Variants in C1orf141 observed in about 807,000 individuals in gnomAD.
C1orf141 encodes the protein uncharacterized protein C1orf141.
A neutral mutation model predicts 23.2 loss-of-function variants in C1orf141; 19 were observed. The observed-to-expected ratio is 0.82, with a 90% CI of 0.57 to 1.20. The LOEUF is 1.20. Ranked by LOEUF, C1orf141 falls within the 50% of genes most tolerant of loss-of-function variation. The pLI is 0.00. For synonymous variants in C1orf141, 153 were observed against 154.6 expected (o/e 0.99, Z 0.08); for missense variants, 469 against 455.1 (o/e 1.03, Z -0.28).
At chr1:67,120,457 G>T (rs996584830) in intron 4 of C1orf141, among the ~76,000 whole-genome samples, 10 of 152,208 alleles carry the variant, frequency 6.6e-5, no homozygotes, top group African/African-American at 2.4e-4. Flanking sequence ...GGGGGACAGG[G>T]GTGGAATTCT....
chr1:67,123,181 C>T (rs3762319), intron 4 of C1orf141: 112,246 of 150,312 alleles, frequency 0.75, 42,021 homozygotes, highest in East Asian at 0.85. Flanking sequence ...CCAGCCTGGG[C>T]GACAACAGAG....
intron 5 of C1orf141, among the ~76,000 whole-genome samples, chr1:67,110,698 T>C (rs1646048659): frequency 6.6e-6 from 1 of 152,040 alleles, no homozygotes; most frequent in East Asian, 1.9e-4. Flanking sequence ...AAATGTATTA[T>C]GATAAGTAAC....
At chr1:67,141,188 A>C (rs959363920) in intron 1 of C1orf141, among the ~76,000 whole-genome samples, 5 of 152,236 alleles carry the variant, frequency 3.3e-5, no homozygotes, top group Non-Finnish European at 7.3e-5. Context: ...TCTCTGTTCA[A>C]AGAAAAAGAT....
intron 4 of C1orf141, among the ~76,000 whole-genome samples, chr1:67,119,290 G>A (rs1405252237): frequency 2.0e-5 from 3 of 152,120 alleles, no homozygotes. Flanking sequence ...GAGGAAAGGT[G>A]GTGCTTGTTA....
chr1:67,095,012 C>T, intron 7 of C1orf141: 1 of 442,370 alleles, frequency 2.3e-6, no homozygotes, highest in East Asian at 3.6e-5. Flanking sequence ...ATAAAGGCTT[C>T]TTCATAAAGA....
At chr1:67,139,815 A>G (rs189396750), upstream of C1orf141, among the ~76,000 whole-genome samples, 6 of 152,258 alleles carry the variant, frequency 3.9e-5, no homozygotes, top group Admixed American at 3.9e-4. Context: ...TAGCTGTCCT[A>G]CAGGAAAGAC....
At chr1:67,129,333 A>G (rs1646476887) in intron 2 of C1orf141, among the ~76,000 whole-genome samples, 1 of 151,928 alleles carries the variant, frequency 6.6e-6, no homozygotes, top group South Asian at 2.1e-4. Flanking sequence ...GCATGCATCT[A>G]TAGTCCCAGC....
At chr1:67,117,547 C>T (rs901484116) in intron 4 of C1orf141, among the ~76,000 whole-genome samples, 4 of 152,160 alleles carry the variant, frequency 2.6e-5, no homozygotes, top group South Asian at 2.1e-4. Context: ...ATGTAATCTC[C>T]GTAAAACAAT....
intron 5 of C1orf141, among the ~76,000 whole-genome samples, chr1:67,097,226 C>A (rs1336474523): frequency 1.3e-5 from 2 of 151,954 alleles, no homozygotes; most frequent in African/African-American, 2.4e-5. Flanking sequence ...ACAAAAAAAA[C>A]CCGACAACAA....
Position 67,093,380 on chromosome 1 carries a change from C to A in C1orf141, c.828G>T (p.Gln276His). The A allele has an allele frequency of 1.9e-6, 3 of 1,613,680 alleles. No homozygotes were observed. The highest frequency in any genetic ancestry group is 1.1e-5 in the South Asian group (1 of 91,022). ...ACATAGGGATCTGTATATCTTTTCT[C>A]TGTACTGTAGGCATAGTTTTTTGGG... ...FKPQKTMPTV[Q>H]RKDIQIPMSF... The change falls in exon 8 of 8, where the codon CAG becomes CAT. Residue 276 changes from glutamine to histidine, a missense_variant. Coordinates refer to ENST00000684719, the MANE Select transcript of C1orf141 (RefSeq NM_001276351.2).
chr1:67,112,415 A>G (rs1385456648), intron 5 of C1orf141, among the ~76,000 whole-genome samples: 2 of 152,094 alleles, frequency 1.3e-5, no homozygotes, highest in East Asian at 3.9e-4. Context: ...AAAAAACAAG[A>G]CATTGGACTT....
intron 5 of C1orf141, among the ~76,000 whole-genome samples, chr1:67,112,779 T>A (rs1646102976): frequency 6.6e-6 from 1 of 152,124 alleles, no homozygotes; most frequent in South Asian, 2.1e-4. Flanking sequence ...AAACACACTT[T>A]GGTGAGGGAG....
At chr1:67,126,892 G>A (rs1018398796) in intron 3 of C1orf141, among the ~76,000 whole-genome samples, 1 of 152,154 alleles carries the variant, frequency 6.6e-6, no homozygotes, top group African/African-American at 2.4e-5. Flanking sequence ...GTCCATAGCA[G>A]CTTTATTTTA....
At chr1:67,139,768 C>T (rs1472954626), upstream of C1orf141, among the ~76,000 whole-genome samples, 1 of 152,078 alleles carries the variant, frequency 6.6e-6, no homozygotes, top group African/African-American at 2.4e-5. Context: ...GTTTCAAACT[C>T]CTGGACCCAA....
intron 5 of C1orf141, among the ~76,000 whole-genome samples, chr1:67,106,355 A>G (rs913047807): frequency 6.6e-6 from 1 of 152,176 alleles, no homozygotes; most frequent in Admixed American, 6.6e-5. Flanking sequence ...TATTATAACT[A>G]TGCTTGATGG....
At chr1:67,115,590 A>C (rs989608638) in intron 4 of C1orf141, 126 bp from the exon 5 acceptor site, 1 of 512,434 alleles carries the variant, frequency 2.0e-6, no homozygotes, top group Non-Finnish European at 3.4e-6. Context: ...TAATGTTGTC[A>C]CAGTACCAAG....
chr1:67,129,094 G>C (rs1475170780), intron 2 of C1orf141, among the ~76,000 whole-genome samples: 1 of 151,944 alleles, frequency 6.6e-6, no homozygotes, highest in Admixed American at 6.6e-5. Flanking sequence ...ATCCCAGCAT[G>C]CCCTCTATCA....
chr1:67,131,815 A>G (rs1266691163), intron 1 of C1orf141, among the ~76,000 whole-genome samples: 6 of 115,320 alleles, frequency 5.2e-5, no homozygotes, highest in Admixed American at 4.4e-4. Flanking sequence ...TTTGAGATGG[A>G]GTCTCGCAGT....
At chr1:67,096,914 G>A (rs546007230) in intron 5 of C1orf141, among the ~76,000 whole-genome samples, 1 of 152,312 alleles carries the variant, frequency 6.6e-6, no homozygotes, top group South Asian at 2.1e-4. Context: ...TGGAATAAAT[G>A]CTTGAGTCTG....
Sources: gnomAD v4.1 joint callset for allele counts (sites outside exome capture counted in the v4.1 genomes callset) on GRCh38, gnomAD v4.1.1 for gene constraint, MANE v1.5 for transcripts, NCBI Gene and HGNC (gene_info 2026-07-23, HGNC 2026-07-21) for gene names.